Variants in MAP2K4 observed in about 807,000 individuals in gnomAD.
MAP2K4 encodes dual specificity mitogen-activated protein kinase kinase 4.
MAP2K4 carries 4 observed loss-of-function variants against 48.5 expected under a neutral mutation model. The observed-to-expected ratio is 0.08, with a 90% CI of 0.04 to 0.19. The LOEUF is 0.19. MAP2K4 is among the 10% of genes least tolerant of loss of function. The pLI, the probability that MAP2K4 is intolerant of heterozygous loss-of-function variation, is 1.00. For synonymous variants in MAP2K4, 166 were observed against 173.1 expected, an observed-to-expected ratio of 0.96 and a Z score of 0.32; for missense variants, 258 against 493.3, an observed-to-expected ratio of 0.52 and a Z score of 4.52.
In MAP2K4 at chr17:12,131,234, CTTTTT is replaced by C. The variant is rs11307653; in HGVS notation, c.1040+1960_1040+1964del. Among the ~76,000 whole-genome samples, 5 of 130,940 alleles carry C rather than the reference CTTTTT, an allele frequency of 3.8e-5. 1 individual carries two copies. The East Asian group carries it at 1.1e-3, about 29-fold the overall frequency. The allele number at this position is 130,940 out of a possible 152,430, so 85.9% of individuals were successfully genotyped here. On this transcript the variant is annotated intron_variant, in intron 9 of 10. Coordinates refer to ENST00000353533, the MANE Select transcript of MAP2K4 (RefSeq NM_003010.4). ...TTAGTTTATTGCTCTGGTCACATTT[CTTTTT>C]TTTTTTTTTTTTCTTTCTTGTTTTT...
chr17:12,077,719 A>G (rs2151545467), intron 2 of MAP2K4, among the ~76,000 whole-genome samples: 1 of 152,282 alleles, frequency 6.6e-6, no homozygotes, highest in South Asian at 2.1e-4. Context: ...TCCACCTCTA[A>G]CTGCAAGGAA....
At position 12,020,995 on chromosome 17, in the gene MAP2K4, A is replaced by T; in HGVS notation, c.109A>T (p.Met37Leu). 1 of 1,209,502 alleles carries T rather than the reference A, an allele frequency of 8.3e-7. No homozygotes were observed. The highest frequency in any genetic ancestry group is 1.0e-6 in the Non-Finnish European group (1 of 973,358). The allele number at this position is 1,209,502 out of a possible 1,614,324, so 74.9% of individuals were successfully genotyped here. A position where few individuals can be genotyped will look rare whatever the true frequency, so the allele number is the denominator to read the frequency against. The change falls in exon 1 of 11, where the codon ATG becomes TTG. Residue 37 changes from methionine (M) to leucine (L), a missense_variant. Around this residue, in one of 3 missense-constraint regions of MAP2K4, gnomAD observed 69 missense variants for 56.2 expected, o/e 1.23. Transcript: ENST00000353533. ...PAPGHPAVSSMQGKRKALKLN... is the reference protein window; with the variant it reads ...PAPGHPAVSSLQGKRKALKLN... ...GCCAGGCCACCCGGCCGTCAGCAGC[A>T]TGCAGGGTAAGGAACGCGGCCGCGC...
intron 2 of MAP2K4, among the ~76,000 whole-genome samples, chr17:12,060,317 G>A (rs1175277293): frequency 1.3e-5 from 2 of 152,066 alleles, no homozygotes; most frequent in East Asian, 1.9e-4. Context: ...TTAGAATAGC[G>A]ACATACACTA....
Position 12,099,213 on chromosome 17 carries a change from C to CAA in MAP2K4, c.513+3531_513+3532dup, listed in dbSNP as rs202135270. On this transcript the variant is annotated intron_variant, in intron 4 of 10. Transcript: ENST00000353533. ...GGCCTCCAGTGTATCCGTGTTGCTA[C>CAA]AAAAAAAAAAAAACATGATTTCATT... Among the ~76,000 whole-genome samples the CAA allele has an allele frequency of 1.5e-3, 188 of 126,208 alleles. 2 individuals are homozygous for CAA. The highest frequency in any genetic ancestry group is 4.8e-3 in the African/African-American group (166 of 34,256). 82.8% of individuals were successfully genotyped at this position (126,208 alleles called of 152,430 possible). A position where few individuals can be genotyped will look rare whatever the true frequency, so the allele number is the denominator to read the frequency against.
At position 12,040,137 on chromosome 17, in the gene MAP2K4, AGTTCTCC is replaced by A. The variant is rs1387087114; in HGVS notation, c.116-14749_116-14743del. 1.2e-4 allele frequency among the ~76,000 whole-genome samples: 19 copies of A among 152,290 alleles called. No homozygotes were observed. The South Asian group carries it at 2.5e-3, about 20-fold the overall frequency. ...TGCCAGTGTGATCCATATAGTGTAA[AGTTCTCC>A]GTCAGCCTTTCATCTGGTAGTTCTG... On this transcript the variant is annotated intron_variant, in intron 1 of 10. Transcript: ENST00000353533.
At chr17:12,078,222 T>TA (rs1417822857) in intron 2 of MAP2K4, among the ~76,000 whole-genome samples, 1 of 152,150 alleles carries the variant, frequency 6.6e-6, no homozygotes, top group African/African-American at 2.4e-5. Flanking sequence ...AGCTGATAGT[T>TA]ACTGCCACAG....
chr17:12,060,207 T>C (rs1012434984), intron 2 of MAP2K4, among the ~76,000 whole-genome samples: 1 of 152,076 alleles, frequency 6.6e-6, no homozygotes, highest in African/African-American at 2.4e-5. Context: ...GAAATAACAA[T>C]GGGTAGAAAT....
intron 7 of MAP2K4, among the ~76,000 whole-genome samples, chr17:12,119,891 C>T (rs1313349623): frequency 6.6e-6 from 1 of 152,200 alleles, no homozygotes; most frequent in East Asian, 1.9e-4. Context: ...AGGATACTTA[C>T]TTAGCAAACT....
intron 3 of MAP2K4, among the ~76,000 whole-genome samples, chr17:12,084,520 T>C (rs1025277405): frequency 1.6e-4 from 24 of 152,180 alleles, no homozygotes; most frequent in Admixed American, 1.2e-3. Flanking sequence ...AACCTTCAAC[T>C]CTTACCAGGG....
intron 9 of MAP2K4, among the ~76,000 whole-genome samples, chr17:12,138,973 G>A (rs965547396): frequency 2.6e-5 from 4 of 152,170 alleles, no homozygotes; most frequent in African/African-American, 7.2e-5. Flanking sequence ...AGGGTTGTCT[G>A]CTGGCGGCTT....
At chr17:12,115,692 A>G (rs1972468448) in intron 7 of MAP2K4, 2 of 759,466 alleles carry the variant, frequency 2.6e-6, no homozygotes, top group African/African-American at 3.4e-5. Context: ...GTAGTAGAAC[A>G]AACTTCAAGC....
At chr17:12,026,316 C>T (rs936963347) in intron 1 of MAP2K4, among the ~76,000 whole-genome samples, 2 of 152,068 alleles carry the variant, frequency 1.3e-5, no homozygotes, top group Non-Finnish European at 1.5e-5. Context: ...GATGTGAGCC[C>T]ATAGAGTTTC....
At chr17:12,121,051 C>T (rs1022773111) in intron 7 of MAP2K4, among the ~76,000 whole-genome samples, 14 of 152,230 alleles carry the variant, frequency 9.2e-5, no homozygotes, top group South Asian at 6.2e-4. Context: ...ATGTAAATTC[C>T]GAGTCCGGAA....
intron 6 of MAP2K4, among the ~76,000 whole-genome samples, chr17:12,112,465 CAAAAAAAAA>C (rs11370279): frequency 2.3e-5 from 2 of 86,666 alleles, no homozygotes; most frequent in African/African-American, 5.0e-5. Context: ...ACTCTTGTCT[CAAAAAAAAA>C]AAAAAAAAAA....
intron 2 of MAP2K4, among the ~76,000 whole-genome samples, chr17:12,077,761 C>T (rs11653406): frequency 0.47 from 71,639 of 152,036 alleles, 17,694 homozygotes; most frequent in East Asian, 0.61. Flanking sequence ...TGCAAAATAC[C>T]ACATACTAGG....
At chr17:12,053,557 T>A (rs924078247) in intron 1 of MAP2K4, among the ~76,000 whole-genome samples, 6 of 152,076 alleles carry the variant, frequency 3.9e-5, no homozygotes, top group Middle Eastern at 3.4e-3. Flanking sequence ...GTTTTTTTTT[T>A]AAATACAGTC....
chr17:12,118,747 G>C (rs1006659840), intron 7 of MAP2K4, among the ~76,000 whole-genome samples: 16 of 152,178 alleles, frequency 1.1e-4, no homozygotes, highest in African/African-American at 3.9e-4. Context: ...GTGTGGGTGT[G>C]GAAGGTTTTC....
rs28923227 is a variant in MAP2K4, at chr17:12,114,631, A to G, written c.813+1271A>G. Reference sequence around the variant, plus strand: ...ACATATTTATTAAGGATACCCCGAGAATGAACTGAAATTGTTATTTACAGT... The same window carrying G: ...ACATATTTATTAAGGATACCCCGAGGATGAACTGAAATTGTTATTTACAGT... On this transcript the variant is annotated intron_variant, in intron 7 of 10. Transcript: ENST00000353533. Among the ~76,000 whole-genome samples the G allele has an allele frequency of 1.4e-4, 22 of 152,286 alleles. No individual in the cohort carries two copies. In the East Asian group the frequency reaches 4.3e-3, roughly 29 times the overall value.
At chr17:12,131,200 G>A (rs139795070) in intron 9 of MAP2K4, among the ~76,000 whole-genome samples, 2,377 of 149,848 alleles carry the variant, frequency 0.016, 39 homozygotes, top group African/African-American at 0.041. Flanking sequence ...AACCCATTAC[G>A]ATCTGGACTT....
Sources: allele counts gnomAD v4.1 joint callset (sites outside exome capture counted in the v4.1 genomes callset), GRCh38; gene constraint gnomAD v4.1.1; regional missense constraint gnomAD v4.1.1; transcripts MANE v1.5; gene names NCBI Gene and HGNC (gene_info 2026-07-23, HGNC 2026-07-21).